IMPA1: variants seen among roughly 807,000 people sequenced by gnomAD.
IMPA1 encodes the protein inositol monophosphatase 1.
IMPA1 carries 21 observed loss-of-function variants against 34.9 expected under a neutral mutation model. That is an observed-to-expected ratio of 0.60 (90% confidence interval 0.43 to 0.87). The LOEUF (loss-of-function observed/expected upper bound fraction) is 0.87. Among genes scored for constraint, IMPA1 ranks in the 40% least tolerant of loss-of-function variants. The probability of loss-of-function intolerance (pLI) is 0.00; values close to 1 mark genes in which losing one functional copy is unlikely to be tolerated. For synonymous variants in IMPA1, 95 were observed against 104.4 expected, an observed-to-expected ratio of 0.91 and a Z score of 0.55; for missense variants, 299 against 336.4, an observed-to-expected ratio of 0.89 and a Z score of 0.87.
At chr8:81,673,706 C>G (rs965335708) in intron 6 of IMPA1, 135 bp downstream of exon 6, 5 of 594,672 alleles carry the variant, frequency 8.4e-6, no homozygotes, top group African/African-American at 1.9e-5. Context: ...AAGCTGAAGT[C>G]AAAAAGAATA....
At chr8:81,679,029 A>G (rs1443867941) in intron 4 of IMPA1, 97 bp downstream of exon 4, 2 of 719,990 alleles carry the variant, frequency 2.8e-6, no homozygotes, top group African/African-American at 3.6e-5. Flanking sequence ...AACGAAGTAT[A>G]CAATTTTCTA....
At chr8:81,683,942 T>G (rs1807378953) in intron 1 of IMPA1, among the ~76,000 whole-genome samples, 1 of 152,100 alleles carries the variant, frequency 6.6e-6, no homozygotes, top group African/African-American at 2.4e-5. Flanking sequence ...CTCCTGTATA[T>G]GGGGCAAGAC....
At chr8:81,677,118 G>A (rs558284599) in intron 4 of IMPA1, among the ~76,000 whole-genome samples, 3 of 149,546 alleles carry the variant, frequency 2.0e-5, no homozygotes, top group Non-Finnish European at 3.0e-5. Flanking sequence ...TTTTGGAGAC[G>A]AAGTTAAGCT....
chr8:81,660,775 A>G, intron 7 of IMPA1, 108 bp from the exon 8 acceptor site: 1 of 714,126 alleles, frequency 1.4e-6, no homozygotes, highest in Non-Finnish European at 2.2e-6. Flanking sequence ...GGAACGATCT[A>G]GAGGATAAAG....
At chr8:81,679,544 C>T (rs1457032926) in intron 3 of IMPA1, among the ~76,000 whole-genome samples, 3 of 148,100 alleles carry the variant, frequency 2.0e-5, no homozygotes, top group Non-Finnish European at 4.4e-5. Flanking sequence ...GCCTGGTAGG[C>T]GGAGGTTGCA....
At chr8:81,674,021 A>T in intron 5 of IMPA1, 72 bp from the exon 6 acceptor site, 1 of 897,668 alleles carries the variant, frequency 1.1e-6, no homozygotes, top group South Asian at 1.3e-5. Flanking sequence ...GAAAATAACA[A>T]GACAATCTGG....
Position 81,681,479 on chromosome 8 carries a change from A to T in IMPA1, c.63+19T>A, listed in dbSNP as rs1356451199. On this transcript the variant is annotated intron_variant, in intron 2 of 8. Transcript: ENST00000256108. The stretch of plus-strand genomic sequence containing the variant: ...ATCACATTATAATTGATTATAATTG[A>T]CAAAATCTTAGCTCATACCTCTCCA... 7.2e-7 allele frequency: 1 copy of T among 1,387,918 alleles called. No individual in the cohort carries two copies. Among genetic ancestry groups the T allele is most frequent in the African/African-American group, 1.4e-5 (1 of 70,466 alleles). 86.0% of individuals were successfully genotyped at this position (1,387,918 alleles called of 1,614,324 possible). A position where few individuals can be genotyped will look rare whatever the true frequency, so the allele number is the denominator to read the frequency against.
In IMPA1 at chr8:81,658,279, G is replaced by A. The variant is rs796675029; in HGVS notation, c.*1072C>T. ...ACCCTTTAAAAATGTCTATGAACAA[G>A]TACAATTTTCTTTTTGAGTTCTGCA... On this transcript the variant is annotated 3_prime_UTR_variant, in exon 9 of 9. Transcript: ENST00000256108. 11 of 152,272 alleles carry A rather than the reference G, an allele frequency of 7.2e-5. No homozygotes were observed. Among genetic ancestry groups the A allele is most frequent in the African/African-American group, 2.4e-4 (10 of 41,572 alleles). The allele number at this position is 152,272 out of a possible 1,614,324, so 9.4% of individuals were successfully genotyped here.
chr8:81,660,040 CT>C (rs1806618698), intron 8 of IMPA1, among the ~76,000 whole-genome samples: 1 of 152,180 alleles, frequency 6.6e-6, no homozygotes, highest in Non-Finnish European at 1.5e-5. Context: ...AATATTTTGG[CT>C]TCCCTGGGCC....
At chr8:81,676,653 T>A (rs2217173) in intron 4 of IMPA1, among the ~76,000 whole-genome samples, 19,160 of 152,158 alleles carry the variant, frequency 0.13, 2,062 homozygotes, top group East Asian at 0.57. Context: ...TTTTCTATCT[T>A]TTGAAGGTCA....
At chr8:81,669,090 G>A (rs74803693) in intron 7 of IMPA1, among the ~76,000 whole-genome samples, 1 of 152,156 alleles carries the variant, frequency 6.6e-6, no homozygotes, top group Non-Finnish European at 1.5e-5. Flanking sequence ...GTCCTCAGAA[G>A]CCTGGGAGCC....
In IMPA1 at chr8:81,657,726, C is replaced by T. The variant is rs1347549018; in HGVS notation, c.*1625G>A. 6.6e-6 allele frequency among the ~76,000 whole-genome samples: 1 copy of T among 151,438 alleles called. No homozygotes were observed. The highest frequency in any genetic ancestry group is 1.5e-5 in the Non-Finnish European group (1 of 67,878). On this transcript the variant is annotated 3_prime_UTR_variant, in exon 9 of 9. Transcript: ENST00000256108. ...GGGGCCTGGAAAACATAGGAAGATCCCATCTTTACAAAAATAAAATTAAAA... is the reference window on the plus strand; with the variant it reads ...GGGGCCTGGAAAACATAGGAAGATCTCATCTTTACAAAAATAAAATTAAAA...
At chr8:81,684,560 A>AT (rs1563592504) in intron 1 of IMPA1, among the ~76,000 whole-genome samples, 14 of 51,654 alleles carry the variant, frequency 2.7e-4, no homozygotes, top group African/African-American at 7.7e-4. Context: ...TTTAGATACT[A>AT]ATGTGTAGTA....
chr8:81,674,840 G>A (rs749812389), intron 5 of IMPA1: 9 of 455,468 alleles, frequency 2.0e-5, no homozygotes, highest in African/African-American at 1.0e-4. Flanking sequence ...ACCTAGTCTT[G>A]CAGAATTTCA....
At chr8:81,660,952 T>C (rs1806656145) in intron 7 of IMPA1, among the ~76,000 whole-genome samples, 2 of 152,178 alleles carry the variant, frequency 1.3e-5, no homozygotes, top group South Asian at 4.1e-4. Flanking sequence ...TCTACAATAA[T>C]GAAATGCAAG....
At chr8:81,668,662 G>C in intron 7 of IMPA1, among the ~76,000 whole-genome samples, 1 of 152,264 alleles carries the variant, frequency 6.6e-6, no homozygotes, top group South Asian at 2.1e-4. Context: ...GGAAAACTCA[G>C]CCTGGCCAAG....
intron 6 of IMPA1, among the ~76,000 whole-genome samples, chr8:81,673,126 C>A (rs571126878): frequency 6.6e-6 from 1 of 152,298 alleles, no homozygotes; most frequent in Non-Finnish European, 1.5e-5. Context: ...AAGATCTTTA[C>A]CCTAAAACAG....
intron 7 of IMPA1, among the ~76,000 whole-genome samples, chr8:81,661,402 A>G (rs78187057): frequency 0.026 from 4,016 of 152,332 alleles, 89 homozygotes; most frequent in East Asian, 0.086. Flanking sequence ...CCAAGTTAAT[A>G]TCACTCATAA....
chr8:81,675,807 G>A (rs1459818242), intron 5 of IMPA1, among the ~76,000 whole-genome samples: 2 of 152,176 alleles, frequency 1.3e-5, no homozygotes, highest in Non-Finnish European at 1.5e-5. Context: ...TTCCTAAAGA[G>A]AGTCTGTATT....
Sources: allele counts gnomAD v4.1 joint callset (sites outside exome capture counted in the v4.1 genomes callset), GRCh38; gene constraint gnomAD v4.1.1; transcripts MANE v1.5; gene names NCBI Gene and HGNC (gene_info 2026-07-23, HGNC 2026-07-21).